Variants in BDH1 observed in about 807,000 individuals in gnomAD.
The protein encoded by BDH1 is 3-hydroxybutyrate dehydrogenase 1.
BDH1 carries 30 observed loss-of-function variants against 33.1 expected under a neutral mutation model. That is an observed-to-expected ratio of 0.91 (90% confidence interval 0.68 to 1.23). The LOEUF (loss-of-function observed/expected upper bound fraction) is 1.23, where lower values mean the gene tolerates loss of function less well. Among genes scored for constraint, BDH1 ranks in the 50% most tolerant of loss-of-function variants. The pLI, the probability that BDH1 is intolerant of heterozygous loss-of-function variation, is 0.00. For synonymous variants in BDH1, 190 were observed against 183.6 expected (o/e 1.03, Z -0.28); for missense variants, 443 against 464.4 (o/e 0.95, Z 0.42).
rs879415130 is a variant in BDH1, at chr3:197,523,328, A to G, written c.268-547T>C. 1.3e-5 allele frequency: 2 copies of G among 152,494 alleles called. No homozygotes were observed. Among genetic ancestry groups the G allele is most frequent in the Admixed American group, 6.5e-5 (1 of 15,274 alleles). The allele number at this position is 152,494 out of a possible 1,614,324, so 9.4% of individuals were successfully genotyped here. ...CTCTGTTCTAAGCCAAGGGCCCATC[A>G]ACTCCAAATTGGTAAGAGGCCAGAG... On this transcript the variant is annotated intron_variant, in intron 5 of 7. Coordinates refer to ENST00000392379, the MANE Select transcript of BDH1 (RefSeq NM_203314.3). This position sits in a 1 kb window ranked among gnomAD's most constrained non-coding sequence, Gnocchi z 4.5.
chr3:197,549,391 G>A (rs139824927), intron 2 of BDH1, among the ~76,000 whole-genome samples: 1 of 152,326 alleles, frequency 6.6e-6, no homozygotes, highest in Non-Finnish European at 1.5e-5. Flanking sequence ...CTCACTGCTG[G>A]GCTCACTGTG....
rs576326319 is a variant in BDH1, at chr3:197,538,540, C to T, written c.84-4979G>A. 169 of 364,036 alleles carry T rather than the reference C, an allele frequency of 4.6e-4. 5 individuals carry two copies. The highest frequency in any genetic ancestry group is 3.3e-3 in the South Asian group (159 of 48,088). 22.6% of individuals were successfully genotyped at this position (364,036 alleles called of 1,614,324 possible). On this transcript the variant is annotated intron_variant, in intron 3 of 7. Transcript: ENST00000392379. ...CCAATTTTTGTATTTTTAGTAGAGACGGGGGTTCACCATGTTGGCCACACT... is the reference window on the plus strand; with the variant it reads ...CCAATTTTTGTATTTTTAGTAGAGATGGGGGTTCACCATGTTGGCCACACT...
At chr3:197,570,791 C>A (rs1040056555) in intron 1 of BDH1, among the ~76,000 whole-genome samples, 1 of 152,226 alleles carries the variant, frequency 6.6e-6, no homozygotes, top group African/African-American at 2.4e-5. Flanking sequence ...TCTGCTAGGG[C>A]AGTGAAGAAG....
intron 1 of BDH1, among the ~76,000 whole-genome samples, chr3:197,569,699 A>AG (rs1717546122): frequency 6.6e-6 from 1 of 152,300 alleles, no homozygotes; most frequent in South Asian, 2.1e-4. Flanking sequence ...GCCACCATGT[A>AG]AGACGTGCCT....
Position 197,510,668 on chromosome 3 carries a change from GTGTACATGTGTGTAA to G in BDH1, c.*1212_*1226del. 1 of 53,656 alleles carries G rather than the reference GTGTACATGTGTGTAA, an allele frequency of 1.9e-5. No homozygotes were observed. The highest frequency in any genetic ancestry group is 4.0e-5 in the Non-Finnish European group (1 of 24,944). 3.3% of individuals were successfully genotyped at this position (53,656 alleles called of 1,614,324 possible). A position where few individuals can be genotyped will look rare whatever the true frequency, so the allele number is the denominator to read the frequency against. ...TGTGTGTGTGTGTGTGTGTGTGTGT[GTGTACATGTGTGTAA>G]GGTGTGTGTGTGTGTGTGTGTGTGT... is the stretch of plus-strand genomic sequence containing the variant. On this transcript the variant is annotated 3_prime_UTR_variant, in exon 8 of 8. Coordinates refer to ENST00000392379, the MANE Select transcript of BDH1 (RefSeq NM_203314.3).
At chr3:197,518,529 A>C (rs1317715893) in intron 6 of BDH1, among the ~76,000 whole-genome samples, 6 of 9,194 alleles carry the variant, frequency 6.5e-4, no homozygotes, top group Admixed American at 1.8e-3. Flanking sequence ...CCTCAGGCCG[A>C]CCCCCCCGAT....
Position 197,546,386 on chromosome 3 carries a change from C to T in BDH1, c.58G>A (p.Ala20Thr). The change falls in exon 3 of 8, where the codon GCC becomes ACC. Residue 20 changes from alanine (A) to threonine (T), a missense_variant. Physicochemically the swap from Ala to Thr is moderately conservative, Grantham distance 58 (BLOSUM62 0). Transcript: ENST00000392379. ...LSRLPGKTLS[A>T]CDRENGARRP... ...CTTGCTCCATTTTCTCTATCACAGG[C>T]ACTTAGGGTTTTTCCTGGGAGCCGT... The T allele has an allele frequency of 6.2e-7, 1 of 1,614,138 alleles. No homozygotes were observed. Among genetic ancestry groups the T allele is most frequent in the East Asian group, 2.2e-5 (1 of 44,872 alleles).
At chr3:197,560,767 G>A (rs373659604), upstream of BDH1, among the ~76,000 whole-genome samples, 7 of 152,360 alleles carry the variant, frequency 4.6e-5, no homozygotes, top group South Asian at 8.3e-4. Flanking sequence ...GCTGGGAACA[G>A]CTTAGGGCAA....
At chr3:197,545,375 T>TA (rs1267161179) in intron 3 of BDH1, among the ~76,000 whole-genome samples, 1 of 152,196 alleles carries the variant, frequency 6.6e-6, no homozygotes, top group Non-Finnish European at 1.5e-5. Flanking sequence ...ATTTCATGCA[T>TA]AAAGTTTTAA....
At chr3:197,535,311 G>C (rs1184829855) in intron 3 of BDH1, among the ~76,000 whole-genome samples, 1 of 152,208 alleles carries the variant, frequency 6.6e-6, no homozygotes, top group East Asian at 1.9e-4. Flanking sequence ...TGTCCTAGCT[G>C]CTAGTCCTTG....
intron 1 of BDH1, among the ~76,000 whole-genome samples, chr3:197,564,767 GT>G (rs752519882): frequency 6.6e-6 from 1 of 152,038 alleles, no homozygotes; most frequent in Non-Finnish European, 1.5e-5. Context: ...AATTAACAAG[GT>G]TTTTATGAAA....
In BDH1 at chr3:197,511,954, G is replaced by A. The variant is rs1354429802; in HGVS notation, c.973C>T (p.Arg325Ter). 1.4e-5 allele frequency: 22 copies of A among 1,597,344 alleles called. No individual in the cohort carries two copies. Among genetic ancestry groups the A allele is most frequent in the East Asian group, 2.2e-5 (1 of 44,738 alleles). ...YHPMDYYWWLRMQIMTHLPGA... is the reference protein window; with the variant it reads ...YHPMDYYWWL ...GGCAAGTGGGTCATGATCTGCATTC[G>A]CAGCCACCAGTAGTAGTCCATGGGG... The change falls in exon 8 of 8, where the codon CGA becomes TGA. Residue 325 changes from arginine (R) to a stop codon, truncating the protein, a stop_gained. Transcript: ENST00000392379. LOFTEE classifies it high-confidence loss of function.
At position 197,546,485 on chromosome 3, in the gene BDH1, T is replaced by C; in HGVS notation, c.-42A>G. On this transcript the variant is annotated splice_region_variant and 5_prime_UTR_variant, in exon 3 of 8. Transcript: ENST00000392379. ...AGAATGGCCCAGTTCCTCCCGGTGG[T>C]TCTGAAACATAAATGCACCCTCAGC... is the stretch of plus-strand genomic sequence containing the variant. 1.3e-6 allele frequency: 2 copies of C among 1,589,604 alleles called. No individual in the cohort carries two copies. The highest frequency in any genetic ancestry group is 1.7e-6 in the Non-Finnish European group (2 of 1,158,586).
chr3:197,570,249 T>A (rs138072903), intron 1 of BDH1, among the ~76,000 whole-genome samples: 11 of 152,348 alleles, frequency 7.2e-5, no homozygotes, highest in African/African-American at 2.6e-4. Flanking sequence ...TTGGGTGCTG[T>A]TAAAAGCATT....
At chr3:197,567,121 GCTTTCCTAATAACTTGGGACCTACCTAT>G (rs1403394500) in intron 1 of BDH1, among the ~76,000 whole-genome samples, 3 of 152,064 alleles carry the variant, frequency 2.0e-5, no homozygotes, top group Non-Finnish European at 4.4e-5. Context: ...CTAAATATGA[GCTTTCCTAATAACTTGGGACCTACCTAT>G]CTAGGAATAA....
chr3:197,555,149 G>A (rs1014041591), intron 1 of BDH1, among the ~76,000 whole-genome samples: 22 of 152,260 alleles, frequency 1.4e-4, no homozygotes, highest in Non-Finnish European at 3.1e-4. Context: ...TCCTTCCCCG[G>A]CCCTGTGGCC....
rs1335316929 is a variant in BDH1 at position 197,523,392 on chromosome 3, G to C, written c.268-611C>G. 6.6e-6 allele frequency: 1 copy of C among 152,468 alleles called. No individual in the cohort carries two copies. The highest frequency in any genetic ancestry group is 1.5e-5 in the Non-Finnish European group (1 of 68,310). 9.4% of individuals were successfully genotyped at this position (152,468 alleles called of 1,614,324 possible). On this transcript the variant is annotated intron_variant, in intron 5 of 7. Transcript: ENST00000392379. The surrounding 1 kb of genome is among the most constrained non-coding windows in gnomAD (Gnocchi z 4.5). Reference sequence around the variant, plus strand: ...CCAGCTCAGTCACTGAGTAGGCTTTGTGCACTCAGGGGTGTCCCTGAACAG... The same window carrying C: ...CCAGCTCAGTCACTGAGTAGGCTTTCTGCACTCAGGGGTGTCCCTGAACAG...
At chr3:197,530,960 A>C (rs1714586707) in intron 5 of BDH1, among the ~76,000 whole-genome samples, 1 of 152,248 alleles carries the variant, frequency 6.6e-6, no homozygotes, top group Non-Finnish European at 1.5e-5. Context: ...CAGCCTTGTT[A>C]ACAGTTTACA....
chr3:197,569,213 A>T (rs1717527639), intron 1 of BDH1, among the ~76,000 whole-genome samples: 1 of 151,372 alleles, frequency 6.6e-6, no homozygotes, highest in Admixed American at 6.6e-5. Flanking sequence ...AGGGATTTTT[A>T]AAATCCCAGT....
Sources: gnomAD v4.1 joint callset for allele counts (sites outside exome capture counted in the v4.1 genomes callset) on GRCh38, gnomAD v4.1.1 for gene constraint, Gnocchi (gnomAD v3.1) non-coding constraint, MANE v1.5 for transcripts, NCBI Gene and HGNC (gene_info 2026-07-23, HGNC 2026-07-21) for gene names.